Variants in ALK observed in about 807,000 individuals in gnomAD.
ALK encodes ALK receptor tyrosine kinase, also known as ALK tyrosine kinase receptor.
In ALK, 74 loss-of-function variants were observed where a neutral mutation model predicts 163.1. That is an observed-to-expected ratio of 0.45 (90% CI 0.38 to 0.55). The LOEUF is 0.55. ALK is among the 20% of genes least tolerant of loss of function. The probability of loss-of-function intolerance (pLI) is 0.00; values close to 1 mark genes in which losing one functional copy is unlikely to be tolerated. For missense variants in ALK, 2,063 were observed against 2,105.3 expected (o/e 0.98, Z 0.39); for synonymous variants, 960 against 843.2 (o/e 1.14, Z -2.40).
chr2:29,787,797 A>G (rs537453074), intron 1 of ALK, among the ~76,000 whole-genome samples: 12 of 151,730 alleles, frequency 7.9e-5, no homozygotes, highest in African/African-American at 2.6e-4. Context: ...TGTGGGTGGG[A>G]CCAAATGACC....
rs553701723 is a variant in ALK, at chr2:29,828,630, T to C, written c.667+91363A>G. On this transcript the variant is annotated intron_variant, in intron 1 of 28. Transcript: ENST00000389048. Reference sequence around the variant, plus strand: ...ACAATGAGATACCATCTCACACCTGTTAGAATGGCGATCATTAAAAAGTGT... The same window carrying C: ...ACAATGAGATACCATCTCACACCTGCTAGAATGGCGATCATTAAAAAGTGT... 1.6e-4 allele frequency among the ~76,000 whole-genome samples: 24 copies of C among 152,350 alleles called. No individual in the cohort carries two copies. The South Asian group carries it at 4.8e-3, about 30-fold the overall frequency.
In ALK at chr2:29,297,046, G is replaced by T. The variant is rs1234721540; in HGVS notation, c.1659C>A (p.Ser553=). 2 of 1,614,090 alleles carry T rather than the reference G, an allele frequency of 1.2e-6. No homozygotes were observed. The highest frequency in any genetic ancestry group is 1.7e-6 in the Non-Finnish European group (2 of 1,180,034). Residue 553 remains serine, a synonymous_variant, in exon 9 of 29, where the codon TCC becomes TCA. Transcript: ENST00000389048. ...IKSSPCELRM[S]WLIRGVLRGN... is the part of the protein sequence containing the mutation. The stretch of plus-strand genomic sequence containing the variant: ...CCCTCAAGACTCCACGAATGAGCCA[G>T]GACATTCGGAGCTGTGAGGGCGAGA...
rs549047039 is a variant in ALK, at chr2:29,379,857, G to T, written c.1282+3875C>A. Among the ~76,000 whole-genome samples, 24 of 152,198 alleles carry T rather than the reference G, an allele frequency of 1.6e-4. No homozygotes were observed. In the South Asian group the frequency reaches 5.0e-3, roughly 32 times the overall value. On this transcript the variant is annotated intron_variant, in intron 5 of 28. Coordinates refer to ENST00000389048, the MANE Select transcript of ALK (RefSeq NM_004304.5). Reference sequence around the variant, plus strand: ...CAGCTGGGAATATGAAGTCAGAAGGGTATATCCAAGAGACAGCAACAGTAG... The same window carrying T: ...CAGCTGGGAATATGAAGTCAGAAGGTTATATCCAAGAGACAGCAACAGTAG...
At chr2:29,828,317 G>A (rs531768181) in intron 1 of ALK, among the ~76,000 whole-genome samples, 1 of 152,262 alleles carries the variant, frequency 6.6e-6, no homozygotes, top group South Asian at 2.1e-4. Context: ...ATTGACAAAT[G>A]GGATCGAATT....
At chr2:29,901,599 C>T (rs1221334390) in intron 1 of ALK, among the ~76,000 whole-genome samples, 1 of 152,206 alleles carries the variant, frequency 6.6e-6, no homozygotes, top group Non-Finnish European at 1.5e-5. Context: ...CCGCTCATCT[C>T]TCATTGAGAA....
At chr2:29,349,781 G>T (rs1273245941) in intron 5 of ALK, among the ~76,000 whole-genome samples, 1 of 152,206 alleles carries the variant, frequency 6.6e-6, no homozygotes, top group Non-Finnish European at 1.5e-5. Context: ...CCAAACCTAG[G>T]ATGTGCCCTG....
chr2:29,919,590 G>A (rs548851195), intron 1 of ALK, among the ~76,000 whole-genome samples: 8 of 152,160 alleles, frequency 5.3e-5, no homozygotes, highest in Admixed American at 2.0e-4. Flanking sequence ...ATCTGTGCTG[G>A]CCAGGAACAA....
At chr2:29,901,030 C>A (rs55835097) in intron 1 of ALK, among the ~76,000 whole-genome samples, 5,315 of 151,386 alleles carry the variant, frequency 0.035, 282 homozygotes, top group African/African-American at 0.11. Flanking sequence ...AGCAAGCAAG[C>A]AAGCTTTTCC....
At chr2:29,426,953 G>A (rs1670154084) in intron 4 of ALK, among the ~76,000 whole-genome samples, 2 of 131,678 alleles carry the variant, frequency 1.5e-5, no homozygotes, top group Non-Finnish European at 1.5e-5. Flanking sequence ...CAGGAGAATC[G>A]CTTAAACCCA....
At chr2:29,687,494 A>G (rs930638632) in intron 3 of ALK, among the ~76,000 whole-genome samples, 2 of 152,140 alleles carry the variant, frequency 1.3e-5, no homozygotes, top group African/African-American at 4.8e-5. Context: ...AGATAACTCA[A>G]TAGAATAGTC....
At chr2:29,213,148 TAAGG>T (rs1669508600) in intron 24 of ALK, among the ~76,000 whole-genome samples, 1 of 152,242 alleles carries the variant, frequency 6.6e-6, no homozygotes, top group African/African-American at 2.4e-5. Flanking sequence ...GGCAAATCAT[TAAGG>T]AAGAGCTTTG....
intron 3 of ALK, among the ~76,000 whole-genome samples, chr2:29,618,635 C>T (rs1675928385): frequency 1.3e-5 from 2 of 152,066 alleles, no homozygotes; most frequent in African/African-American, 4.8e-5. Context: ...GCAAAGCTGC[C>T]CACGCTACAG....
chr2:29,338,671 T>G (rs914641046), intron 5 of ALK, among the ~76,000 whole-genome samples: 1 of 152,214 alleles, frequency 6.6e-6, no homozygotes, highest in Non-Finnish European at 1.5e-5. Flanking sequence ...CTTCTCCCAC[T>G]AAATTCTAAA....
At chr2:29,705,602 C>G (rs932053916) in intron 2 of ALK, among the ~76,000 whole-genome samples, 2 of 152,102 alleles carry the variant, frequency 1.3e-5, no homozygotes. Context: ...ACTGCAAGCA[C>G]AGATCCTGCA....
At chr2:29,768,741 G>GTATATA (rs754019687) in intron 1 of ALK, among the ~76,000 whole-genome samples, 1,668 of 122,158 alleles carry the variant, frequency 0.014, 29 homozygotes, top group African/African-American at 0.043. Flanking sequence ...GTGTGTGTGT[G>GTATATA]TGTATATATG....
chr2:29,862,482 G>A (rs570266452), intron 1 of ALK, among the ~76,000 whole-genome samples: 23 of 151,978 alleles, frequency 1.5e-4, no homozygotes, highest in African/African-American at 5.3e-4. Flanking sequence ...AAATTCAGGA[G>A]CATTTCTATA....
At chr2:29,414,622 G>T (rs1243299533) in intron 4 of ALK, among the ~76,000 whole-genome samples, 1 of 152,212 alleles carries the variant, frequency 6.6e-6, no homozygotes, top group African/African-American at 2.4e-5. Flanking sequence ...TTGGGAATGT[G>T]CAACCCACTT....
At chr2:29,895,791 G>A (rs1468375592) in intron 1 of ALK, among the ~76,000 whole-genome samples, 1 of 152,126 alleles carries the variant, frequency 6.6e-6, no homozygotes. Context: ...TGCTCTCCTA[G>A]GTCATTTCTT....
intron 1 of ALK, among the ~76,000 whole-genome samples, chr2:29,893,564 G>A (rs1265083154): frequency 6.6e-6 from 1 of 152,118 alleles, no homozygotes; most frequent in Non-Finnish European, 1.5e-5. Flanking sequence ...AACTTTCACT[G>A]TGGGGAATGT....
Sources: gnomAD v4.1 joint callset for allele counts (sites outside exome capture counted in the v4.1 genomes callset) on GRCh38, gnomAD v4.1.1 for gene constraint, MANE v1.5 for transcripts, NCBI Gene and HGNC (gene_info 2026-07-23, HGNC 2026-07-21) for gene names.